Variants in ITIH2 observed in about 807,000 individuals in gnomAD.
ITIH2 encodes the protein inter-alpha-trypsin inhibitor heavy chain H2.
In ITIH2, 103 loss-of-function variants were observed where a neutral mutation model predicts 104.4. The ratio of observed to expected loss-of-function variants is 0.99; its 90% CI spans 0.84 to 1.16. The LOEUF is 1.16. Ranked by LOEUF, ITIH2 falls within the 50% of genes most tolerant of loss-of-function variation. The probability of loss-of-function intolerance (pLI) is 0.00; values close to 1 mark genes in which losing one functional copy is unlikely to be tolerated. For synonymous variants in ITIH2, 436 were observed against 435.4 expected (o/e 1.00, Z -0.02); for missense variants, 1,108 against 1,162.4 (o/e 0.95, Z 0.68).
intron 15 of ITIH2, among the ~76,000 whole-genome samples, chr10:7,737,580 T>TATATTATATTCTATATTCTATAGA (rs1835069783): frequency 1.5e-5 from 1 of 66,182 alleles, no homozygotes; most frequent in African/African-American, 4.8e-5. Flanking sequence ...TATTAAATTC[T>TATATTATATTCTATATTCTATAGA]ATATTCTATA....
Position 7,732,386 on chromosome 10 carries a change from C to T in ITIH2, c.1696C>T (p.Gln566Ter). 1.2e-6 allele frequency: 2 copies of T among 1,614,056 alleles called. No homozygotes were observed. Among genetic ancestry groups the T allele is most frequent in the Non-Finnish European group, 1.7e-6 (2 of 1,179,964 alleles). ...GACCCTGGCCCAGATGGACGACTTGCAGGATTTTCTATCGAAAGACAAGCA... is the reference window on the plus strand; with the variant it reads ...GACCCTGGCCCAGATGGACGACTTGTAGGATTTTCTATCGAAAGACAAGCA... ...LETLAQMDDLQDFLSKDKHAD... is the reference protein window; with the variant it reads ...LETLAQMDDL The change falls in exon 14 of 21, where the codon CAG becomes TAG. Residue 566 changes from glutamine to a stop codon, truncating the protein, a stop_gained. Transcript: ENST00000358415. LOFTEE classifies it high-confidence loss of function.
At chr10:7,748,470 A>G (rs1449187675) in intron 20 of ITIH2, among the ~76,000 whole-genome samples, 1 of 136,804 alleles carries the variant, frequency 7.3e-6, no homozygotes, top group Admixed American at 7.7e-5. Flanking sequence ...AACAGCAGGT[A>G]TCACTCTTAA....
intron 9 of ITIH2, among the ~76,000 whole-genome samples, chr10:7,725,982 T>C (rs1487756376): frequency 1.3e-5 from 2 of 152,126 alleles, no homozygotes; most frequent in Admixed American, 6.5e-5. Flanking sequence ...TGGAAGACAA[T>C]TGAGGAATTT....
At chr10:7,740,230 T>C (rs1835111830) in intron 16 of ITIH2, among the ~76,000 whole-genome samples, 1 of 152,136 alleles carries the variant, frequency 6.6e-6, no homozygotes, top group Non-Finnish European at 1.5e-5. Context: ...AAATAGTAAC[T>C]TCATCTCACC....
intron 12 of ITIH2, among the ~76,000 whole-genome samples, chr10:7,731,352 A>T (rs1835001148): frequency 6.6e-6 from 1 of 152,208 alleles, no homozygotes; most frequent in Non-Finnish European, 1.5e-5. Flanking sequence ...TTTTAATCTG[A>T]TAATTACGAG....
At chr10:7,706,654 A>G (rs1452207702) in intron 2 of ITIH2, among the ~76,000 whole-genome samples, 2 of 152,222 alleles carry the variant, frequency 1.3e-5, no homozygotes, top group Non-Finnish European at 2.9e-5. Context: ...GCAGGAAGGA[A>G]TATGCTGCTG....
intron 14 of ITIH2, 118 bp downstream of exon 14, chr10:7,732,595 G>A: frequency 1.9e-6 from 2 of 1,068,100 alleles, no homozygotes; most frequent in Non-Finnish European, 1.3e-6. Context: ...ATTAGCACAG[G>A]CTTGGATTAT....
intron 9 of ITIH2, among the ~76,000 whole-genome samples, chr10:7,726,735 AATAG>A (rs1564302474): frequency 1.3e-5 from 2 of 152,230 alleles, no homozygotes; most frequent in Non-Finnish European, 2.9e-5. Context: ...TGCATAGCAA[AATAG>A]ATAGTAAAAT....
At chr10:7,736,022 C>A (rs571914224) in intron 15 of ITIH2, among the ~76,000 whole-genome samples, 7 of 152,220 alleles carry the variant, frequency 4.6e-5, no homozygotes, top group African/African-American at 1.4e-4. Flanking sequence ...TAATTGGTTA[C>A]TCACTATCAC....
chr10:7,717,823 G>T, intron 6 of ITIH2, 35 bp downstream of exon 6: 2 of 1,587,036 alleles, frequency 1.3e-6, no homozygotes, highest in Non-Finnish European at 8.6e-7. Flanking sequence ...CAGTGACACT[G>T]TCCTTTTATA....
intron 15 of ITIH2, among the ~76,000 whole-genome samples, chr10:7,737,495 A>G (rs1487038392): frequency 1.0e-4 from 14 of 137,574 alleles, no homozygotes; most frequent in Non-Finnish European, 2.0e-4. Context: ...ATATAATTAT[A>G]TATATTTTGT....
chr10:7,714,210 C>G (rs1276984455), intron 5 of ITIH2, among the ~76,000 whole-genome samples: 4 of 128,640 alleles, frequency 3.1e-5, no homozygotes, highest in Non-Finnish European at 6.3e-5. Context: ...CTCGCTCTGT[C>G]GCCCAGGCTG....
intron 16 of ITIH2, among the ~76,000 whole-genome samples, chr10:7,741,569 G>T (rs955170207): frequency 2.0e-5 from 3 of 152,176 alleles, no homozygotes; most frequent in Admixed American, 2.0e-4. Flanking sequence ...GAACCTGGAG[G>T]TGTGAACTGA....
intron 2 of ITIH2, 24 bp from the exon 3 acceptor site, chr10:7,707,177 T>C: frequency 6.3e-7 from 1 of 1,581,414 alleles, no homozygotes; most frequent in South Asian, 1.1e-5. Flanking sequence ...AGTTGAAGAA[T>C]GATTGTCTAA....
chr10:7,704,391 T>C (rs1291871872), intron 1 of ITIH2, among the ~76,000 whole-genome samples: 1 of 152,236 alleles, frequency 6.6e-6, no homozygotes, highest in African/African-American at 2.4e-5. Context: ...AGCCAAGACA[T>C]CCAAATGTGT....
intron 1 of ITIH2, 38 bp downstream of exon 1, chr10:7,703,556 T>G: frequency 8.0e-7 from 1 of 1,254,508 alleles, no homozygotes; most frequent in Non-Finnish European, 1.2e-6. Flanking sequence ...GTTGGCTTGT[T>G]CATGAGCTCA....
chr10:7,746,830 G>C (rs1835182666), intron 20 of ITIH2, 126 bp downstream of exon 20: 2 of 611,904 alleles, frequency 3.3e-6, no homozygotes, highest in Non-Finnish European at 6.0e-6. Flanking sequence ...CAGTTCATTA[G>C]GAATAGACGC....
intron 13 of ITIH2, 75 bp from the exon 14 acceptor site, chr10:7,732,262 CA>C: frequency 1.4e-6 from 2 of 1,449,018 alleles, no homozygotes; most frequent in Non-Finnish European, 1.9e-6. Context: ...TCATTCGCAG[CA>C]GGTACTAAAA....
In ITIH2 at chr10:7,744,239, C is replaced by T; in HGVS notation, c.2367C>T (p.Phe789=). ...TITLSHGSST[F]SLSWSDTAQV... ...CCCTGAGCCATGGTTCTAGCACATTCTCCTTGTCCTGGTCCGACACGGCTC... is the reference window on the plus strand; with the variant it reads ...CCCTGAGCCATGGTTCTAGCACATTTTCCTTGTCCTGGTCCGACACGGCTC... Residue 789 remains phenylalanine (F), a synonymous_variant, in exon 18 of 21, where the codon TTC becomes TTT. Coordinates refer to ENST00000358415, the MANE Select transcript of ITIH2 (RefSeq NM_002216.3). 6.2e-7 allele frequency: 1 copy of T among 1,614,140 alleles called. No homozygotes were observed. The highest frequency in any genetic ancestry group is 8.5e-7 in the Non-Finnish European group (1 of 1,180,008).
Sources: gnomAD v4.1 joint callset for allele counts (sites outside exome capture counted in the v4.1 genomes callset) on GRCh38, gnomAD v4.1.1 for gene constraint, MANE v1.5 for transcripts, NCBI Gene and HGNC (gene_info 2026-07-23, HGNC 2026-07-21) for gene names.